SLF2: variants seen among roughly 807,000 people sequenced by gnomAD.
The protein encoded by SLF2 is SMC5/6 complex localization factor 2, also known as SMC5-SMC6 complex localization factor protein 2.
A neutral mutation model predicts 124.3 loss-of-function variants in SLF2; 68 were observed. The ratio of observed to expected loss-of-function variants is 0.55; its 90% CI spans 0.45 to 0.67. The LOEUF is 0.67. SLF2 is among the 30% of genes least tolerant of loss of function. The pLI is 0.00. For missense variants in SLF2, 1,246 were observed against 1,373.7 expected, an observed-to-expected ratio of 0.91 and a Z score of 1.47; for synonymous variants, 480 against 478.8, an observed-to-expected ratio of 1.00 and a Z score of -0.03.
intron 6 of SLF2, among the ~76,000 whole-genome samples, chr10:100,927,672 C>G (rs1290835207): frequency 6.6e-6 from 1 of 152,190 alleles, no homozygotes; most frequent in Non-Finnish European, 1.5e-5. Flanking sequence ...ACACTGTTTT[C>G]CACAATGGCT....
At position 100,950,725 on chromosome 10, in the gene SLF2, G is replaced by A; in HGVS notation, c.3302G>A (p.Cys1101Tyr). 6.2e-7 allele frequency: 1 copy of A among 1,614,018 alleles called. No individual in the cohort carries two copies. Among genetic ancestry groups the A allele is most frequent in the South Asian group, 1.1e-5 (1 of 91,086 alleles). Residue 1101 changes from cysteine (C) to tyrosine (Y), a missense_variant, in exon 17 of 20, where the codon TGT becomes TAT. Physicochemically the swap from Cys to Tyr is radical, Grantham distance 194 (BLOSUM62 -2). This residue lies in a region of SLF2 where 535 missense variants were observed against 632.8 expected (regional missense o/e 0.85). Coordinates refer to ENST00000238961, the MANE Select transcript of SLF2 (RefSeq NM_018121.4). ...CTTCATTTAGTCGGTGAAGTTAGTT[G>A]TTCTCATTCTTTTTCTTCTGGACAA... is the stretch of plus-strand genomic sequence containing the variant. Reference protein sequence around the residue: ...ILLHLVGEVSCSHSFSSGQRK... With the variant: ...ILLHLVGEVSYSHSFSSGQRK...
At chr10:100,958,086 A>T (rs1247663355) in intron 18 of SLF2, among the ~76,000 whole-genome samples, 1 of 152,064 alleles carries the variant, frequency 6.6e-6, no homozygotes, top group Non-Finnish European at 1.5e-5. Context: ...AATAAAATAA[A>T]CATACTTTTT....
At chr10:100,934,303 A>G (rs970991599) in intron 9 of SLF2, among the ~76,000 whole-genome samples, 2 of 152,224 alleles carry the variant, frequency 1.3e-5, no homozygotes, top group African/African-American at 4.8e-5. Flanking sequence ...ATTTAACCCA[A>G]TCTCAACTGA....
In SLF2 at chr10:100,956,463, C is replaced by T. The variant is rs756381075; in HGVS notation, c.3343C>T (p.Leu1115=). The change falls in exon 18 of 20, where the codon CTA becomes TTA. Residue 1115 remains leucine (L), a synonymous_variant. Coordinates refer to ENST00000238961, the MANE Select transcript of SLF2 (RefSeq NM_018121.4). Reference sequence around the variant, plus strand: ...TTGTTTTGCACAGAAACACTTTGTGCTACTCTGTGGGGCTTTGGAAAAGCA... The same window carrying T: ...TTGTTTTGCACAGAAACACTTTGTGTTACTCTGTGGGGCTTTGGAAAAGCA... ...FSSGQRKHFV[L]LCGALEKHVK... The T allele has an allele frequency of 2.0e-5, 32 of 1,610,820 alleles. No homozygotes were observed. The South Asian group carries it at 3.1e-4, about 16-fold the overall frequency.
At chr10:100,953,798 A>G (rs1247441831) in intron 17 of SLF2, among the ~76,000 whole-genome samples, 2 of 151,994 alleles carry the variant, frequency 1.3e-5, no homozygotes, top group Non-Finnish European at 2.9e-5. Flanking sequence ...GACTAGAGGC[A>G]TGTGCCATGA....
intron 12 of SLF2, among the ~76,000 whole-genome samples, chr10:100,944,668 A>G (rs973782546): frequency 6.6e-6 from 1 of 152,198 alleles, no homozygotes; most frequent in Non-Finnish European, 1.5e-5. Flanking sequence ...TTTGAAACCA[A>G]TAGTTTTTTA....
In SLF2 at chr10:100,939,691, A is replaced by G. The variant is rs185526780; in HGVS notation, c.2654+955A>G. Among the ~76,000 whole-genome samples the G allele has an allele frequency of 1.8e-3, 281 of 152,096 alleles. 1 individual carries two copies. Among genetic ancestry groups the G allele is most frequent in the Middle Eastern group, 0.017 (5 of 292 alleles). On this transcript the variant is annotated intron_variant, in intron 11 of 19. Coordinates refer to ENST00000238961, the MANE Select transcript of SLF2 (RefSeq NM_018121.4). Reference sequence around the variant, plus strand: ...AGACTCCATCTAAAAAAAAAAAAGGAAACTGGTTACAGACAAAGTATTAAT... The same window carrying G: ...AGACTCCATCTAAAAAAAAAAAAGGGAACTGGTTACAGACAAAGTATTAAT...
At position 100,913,008 on chromosome 10, in the gene SLF2, C is replaced by A; in HGVS notation, c.-103C>A. 1 of 1,301,328 alleles carries A rather than the reference C, an allele frequency of 7.7e-7. No homozygotes were observed. The highest frequency in any genetic ancestry group is 1.1e-6 in the Non-Finnish European group (1 of 937,940). 80.6% of individuals were successfully genotyped at this position (1,301,328 alleles called of 1,614,324 possible). On this transcript the variant is annotated 5_prime_UTR_variant, in exon 1 of 20. Coordinates refer to ENST00000238961, the MANE Select transcript of SLF2 (RefSeq NM_018121.4). Reference sequence around the variant, plus strand: ...CATGAAGAGAGAAGGGGGTGCCGCCCACCTCTGCTCCGACAGCCTCCCGGA... The same window carrying A: ...CATGAAGAGAGAAGGGGGTGCCGCCAACCTCTGCTCCGACAGCCTCCCGGA...
At chr10:100,932,716 TGTGTGC>T (rs1386533968) in intron 9 of SLF2, among the ~76,000 whole-genome samples, 4,571 of 37,064 alleles carry the variant, frequency 0.12, 106 homozygotes, top group Admixed American at 0.26. Flanking sequence ...TGTGTGTGTG[TGTGTGC>T]GCGCGCGCGC....
At position 100,929,427 on chromosome 10, in the gene SLF2, T is replaced by C; in HGVS notation, c.2153T>C (p.Leu718Ser). ...EDSTDDEDGLLEEHKEFLKKF... is the reference protein window; with the variant it reads ...EDSTDDEDGLSEEHKEFLKKF... ...AGTACAGATGATGAGGATGGCCTCT[T>C]AGAAGAGCACAAGTATAGCATTTTT... Residue 718 changes from leucine (L) to serine (S), a missense_variant, in exon 7 of 20, where the codon TTA becomes TCA. Leu to Ser is a moderately radical substitution (Grantham distance 145). This residue lies in a region of SLF2 where 535 missense variants were observed against 632.8 expected (regional missense o/e 0.85). Coordinates refer to ENST00000238961, the MANE Select transcript of SLF2 (RefSeq NM_018121.4). The C allele has an allele frequency of 6.2e-7, 1 of 1,605,106 alleles. No individual in the cohort carries two copies. The highest frequency in any genetic ancestry group is 8.5e-7 in the Non-Finnish European group (1 of 1,176,876).
intron 3 of SLF2, 149 bp from the exon 4 acceptor site, chr10:100,918,235 A>G: frequency 2.4e-6 from 1 of 420,044 alleles, no homozygotes; most frequent in Non-Finnish European, 4.2e-6. Context: ...AGATCTTTAA[A>G]TATTTTATTA....
Position 100,916,811 on chromosome 10 carries a change from T to C in SLF2, c.426T>C (p.Tyr142=). Residue 142 remains tyrosine (Y), a synonymous_variant, in exon 3 of 20, where the codon TAT becomes TAC. Transcript: ENST00000238961. The part of the protein sequence containing the change: ...RRPCLSLASK[Y]LAKGTNIYVP... ...CTTGTCTGTCACTAGCCTCCAAATA[T>C]TTAGCCAAAGGAACAAATATCTATG... is the stretch of plus-strand genomic sequence containing the variant. 6.2e-7 allele frequency: 1 copy of C among 1,614,040 alleles called. No individual in the cohort carries two copies. Among genetic ancestry groups the C allele is most frequent in the Non-Finnish European group, 8.5e-7 (1 of 1,180,008 alleles).
rs781177707 is a variant in SLF2 at position 100,924,824 on chromosome 10, T to A, written c.1823T>A (p.Leu608Ter). ...RGDFDSDEES[L>*]GYNLDSDEEE... ...GATTTTGATAGTGATGAAGAAAGTTTAGGTTACAACCTAGACAGTGATGAG... is the reference window on the plus strand; with the variant it reads ...GATTTTGATAGTGATGAAGAAAGTTAAGGTTACAACCTAGACAGTGATGAG... Residue 608 changes from leucine to a stop codon, truncating the protein, a stop_gained, in exon 5 of 20, where the codon TTA (leucine) becomes TAA (stop). Transcript: ENST00000238961. LOFTEE classifies it high-confidence loss of function. 1 of 1,614,202 alleles carries A rather than the reference T, an allele frequency of 6.2e-7. No individual in the cohort carries two copies. The highest frequency in any genetic ancestry group is 8.5e-7 in the Non-Finnish European group (1 of 1,180,026).
intron 10 of SLF2, 37 bp from the exon 11 acceptor site, chr10:100,938,558 A>G (rs1849908013): frequency 1.9e-6 from 3 of 1,584,180 alleles, no homozygotes; most frequent in Admixed American, 3.7e-5. Context: ...TTTGTAGACC[A>G]CAGATTTAGA....
intron 9 of SLF2, among the ~76,000 whole-genome samples, chr10:100,936,270 C>T (rs1348697138): frequency 6.6e-6 from 1 of 151,758 alleles, no homozygotes; most frequent in Non-Finnish European, 1.5e-5. Context: ...AGGGTATTAT[C>T]GATATTCTTG....
rs571731801 is a variant in SLF2 at position 100,928,041 on chromosome 10, C to CACA, written c.2043-1276_2043-1275insACA. Among the ~76,000 whole-genome samples, 104 of 45,080 alleles carry CACA rather than the reference C, an allele frequency of 2.3e-3. 1 individual carries two copies. The highest frequency in any genetic ancestry group is 4.4e-3 in the Non-Finnish European group (76 of 17,308). 29.6% of individuals were successfully genotyped at this position (45,080 alleles called of 152,430 possible). A position where few individuals can be genotyped will look rare whatever the true frequency, so the allele number is the denominator to read the frequency against. On this transcript the variant is annotated intron_variant, in intron 6 of 19. Coordinates refer to ENST00000238961, the MANE Select transcript of SLF2 (RefSeq NM_018121.4). The stretch of plus-strand genomic sequence containing the variant: ...AGAATTATGATGAACACCCCCCCCC[C>CACA]CCCCCACACACACACACACACACAC...
rs1850394253 is a variant in SLF2 at position 100,959,704 on chromosome 10, GC to G, written c.3486+211del. 1.6e-5 allele frequency: 15 copies of G among 949,886 alleles called. No individual in the cohort carries two copies. The South Asian group carries it at 2.1e-4, about 13-fold the overall frequency. The allele number at this position is 949,886 out of a possible 1,614,324, so 58.8% of individuals were successfully genotyped here. Reference sequence around the variant, plus strand: ...TTAATTTATTTCCAGAAGTGGTTGAGCCCATTTAAAAATATTGCATTGCATC... The same window carrying G: ...TTAATTTATTTCCAGAAGTGGTTGAGCCATTTAAAAATATTGCATTGCATC... On this transcript the variant is annotated intron_variant, in intron 19 of 19. Coordinates refer to ENST00000238961, the MANE Select transcript of SLF2 (RefSeq NM_018121.4).
At chr10:100,927,656 A>G (rs1260555501) in intron 6 of SLF2, among the ~76,000 whole-genome samples, 1 of 152,110 alleles carries the variant, frequency 6.6e-6, no homozygotes, top group South Asian at 2.1e-4. Context: ...TTTTTGAGGA[A>G]CCGCCACACT....
Position 100,935,859 on chromosome 10 carries a change from C to CT in SLF2, c.2437-1526dup, listed in dbSNP as rs556164456. 3.4e-3 allele frequency among the ~76,000 whole-genome samples: 341 copies of CT among 99,276 alleles called. 2 individuals are homozygous for CT. Among genetic ancestry groups the CT allele is most frequent in the East Asian group, 0.016 (51 of 3,246 alleles). 65.1% of individuals were successfully genotyped at this position (99,276 alleles called of 152,430 possible). ...GGATTTTTTGGGTTTTTTTTTTTTT[C>CT]TTTTTTTTTTTTTTTTTGAGACAGG... is the stretch of plus-strand genomic sequence containing the variant. On this transcript the variant is annotated intron_variant, in intron 9 of 19. Coordinates refer to ENST00000238961, the MANE Select transcript of SLF2 (RefSeq NM_018121.4).
Sources: gnomAD v4.1 joint callset for allele counts (sites outside exome capture counted in the v4.1 genomes callset) on GRCh38, gnomAD v4.1.1 for gene constraint, gnomAD v4.1.1 regional missense constraint, MANE v1.5 for transcripts, NCBI Gene and HGNC (gene_info 2026-07-23, HGNC 2026-07-21) for gene names.